Variants in AP1S3 observed in about 807,000 individuals in gnomAD.
The protein encoded by AP1S3 is AP-1 complex subunit sigma-3.
A neutral mutation model predicts 20.9 loss-of-function variants in AP1S3; 10 were observed. The observed-to-expected ratio is 0.48, with a 90% CI of 0.29 to 0.81. AP1S3 has a LOEUF of 0.81. AP1S3 is among the 30% of genes least tolerant of loss of function. The pLI, the probability that AP1S3 is intolerant of heterozygous loss-of-function variation, is 0.08. For synonymous variants in AP1S3, 41 were observed against 61.5 expected, an observed-to-expected ratio of 0.67 and a Z score of 1.56; for missense variants, 154 against 183.8, an observed-to-expected ratio of 0.84 and a Z score of 0.94.
chr2:223,806,277 A>ATTTTTTTTTTTTTTTTTTTTTTTTTT (rs144953846), intron 1 of AP1S3, among the ~76,000 whole-genome samples: 1 of 111,058 alleles, frequency 9.0e-6, no homozygotes, highest in Non-Finnish European at 1.7e-5. Flanking sequence ...AAACAAAGGA[A>ATTTTTTTTTTTTTTTTTTTTTTTTTT]TTTTTTTTTT....
At chr2:223,771,230 G>A (rs570694925) in intron 3 of AP1S3, among the ~76,000 whole-genome samples, 6 of 151,992 alleles carry the variant, frequency 3.9e-5, no homozygotes, top group South Asian at 2.1e-4. Flanking sequence ...CCAGCTACTC[G>A]GGAGGCTGAG....
At chr2:223,833,882 T>TA (rs1692334825) in intron 1 of AP1S3, among the ~76,000 whole-genome samples, 2 of 145,940 alleles carry the variant, frequency 1.4e-5, no homozygotes, top group Non-Finnish European at 3.0e-5. Flanking sequence ...TTTACACTCT[T>TA]TTTATTTATT....
chr2:223,756,436 G>T lies in AP1S3; in HGVS notation c.*2279C>A. On this transcript the variant is annotated 3_prime_UTR_variant, in exon 5 of 5. Coordinates refer to ENST00000396654, the MANE Select transcript of AP1S3 (RefSeq NM_001039569.2). Reference sequence around the variant, plus strand: ...GAAGGAGAGAGAGAGAAGAAGGAAGGAAGAAAGGAAGGAAAAGAAAGAAAG... The same window carrying T: ...GAAGGAGAGAGAGAGAAGAAGGAAGTAAGAAAGGAAGGAAAAGAAAGAAAG... 1 of 759,992 alleles carries T rather than the reference G, an allele frequency of 1.3e-6. No homozygotes were observed. Among genetic ancestry groups the T allele is most frequent in the Non-Finnish European group, 1.5e-6 (1 of 647,480 alleles). The allele number at this position is 759,992 out of a possible 1,614,324, so 47.1% of individuals were successfully genotyped here. A position where few individuals can be genotyped will look rare whatever the true frequency, so the allele number is the denominator to read the frequency against.
At chr2:223,801,345 C>T (rs1691461659) in intron 1 of AP1S3, among the ~76,000 whole-genome samples, 1 of 152,226 alleles carries the variant, frequency 6.6e-6, no homozygotes, top group African/African-American at 2.4e-5. Flanking sequence ...AGCAATGCAA[C>T]ATTGCCTCCT....
chr2:223,756,730 T>G lies in AP1S3; in HGVS notation c.*1985A>C. 1 of 985,452 alleles carries G rather than the reference T, an allele frequency of 1.0e-6. No homozygotes were observed. Among genetic ancestry groups the G allele is most frequent in the Non-Finnish European group, 1.2e-6 (1 of 829,926 alleles). The allele number at this position is 985,452 out of a possible 1,614,324, so 61.0% of individuals were successfully genotyped here. On this transcript the variant is annotated 3_prime_UTR_variant, in exon 5 of 5. Transcript: ENST00000396654. ...TGGTGAATTTTTCCCTTTGTTCTCC[T>G]GCTTGCTTTGCTGTTTTCCCTAAAT...
At chr2:223,770,640 A>T (rs16825553) in intron 3 of AP1S3, among the ~76,000 whole-genome samples, 39,470 of 151,596 alleles carry the variant, frequency 0.26, 8,316 homozygotes, top group East Asian at 0.58. Context: ...ATACAGCAAC[A>T]CAAAAGTGCT....
intron 1 of AP1S3, among the ~76,000 whole-genome samples, chr2:223,786,381 T>C (rs926444102): frequency 1.1e-4 from 17 of 152,312 alleles, no homozygotes; most frequent in Middle Eastern, 3.4e-3. Context: ...TTAGGTTTCA[T>C]TCACATTAAC....
At chr2:223,761,781 C>A (rs1266256860) in intron 4 of AP1S3, among the ~76,000 whole-genome samples, 2 of 152,018 alleles carry the variant, frequency 1.3e-5, no homozygotes, top group Non-Finnish European at 2.9e-5. Context: ...CTAGGCTGAT[C>A]TCAAACTCTT....
At chr2:223,792,036 G>C (rs1182295863) in intron 1 of AP1S3, among the ~76,000 whole-genome samples, 2 of 152,162 alleles carry the variant, frequency 1.3e-5, no homozygotes, top group African/African-American at 4.8e-5. Flanking sequence ...CATTCTCATG[G>C]ACAGAAAGAA....
Position 223,757,543 on chromosome 2 carries a change from C to T in AP1S3, c.*1172G>A, listed in dbSNP as rs1690250828. ...CCTCAAGTGATCCACCTGCCTCGGC[C>T]TCCCAAAGTGCTGGGATTACAGGTG... On this transcript the variant is annotated 3_prime_UTR_variant, in exon 5 of 5. Coordinates refer to ENST00000396654, the MANE Select transcript of AP1S3 (RefSeq NM_001039569.2). 1 of 969,748 alleles carries T rather than the reference C, an allele frequency of 1.0e-6. No individual in the cohort carries two copies. The highest frequency in any genetic ancestry group is 1.8e-5 in the African/African-American group (1 of 56,856). 60.1% of individuals were successfully genotyped at this position (969,748 alleles called of 1,614,324 possible). A position where few individuals can be genotyped will look rare whatever the true frequency, so the allele number is the denominator to read the frequency against.
At chr2:223,824,491 C>T (rs1692070998) in intron 1 of AP1S3, among the ~76,000 whole-genome samples, 1 of 152,128 alleles carries the variant, frequency 6.6e-6, no homozygotes, top group African/African-American at 2.4e-5. Context: ...CACCGCCTGA[C>T]TTTGGATAAG....
rs1690825615 is a variant in AP1S3, at chr2:223,777,826, A to G, written c.47T>C (p.Leu16Pro). 6.2e-7 allele frequency: 1 copy of G among 1,613,956 alleles called. No individual in the cohort carries two copies. Among genetic ancestry groups the G allele is most frequent in the African/African-American group, 1.3e-5 (1 of 74,936 alleles). The part of the protein sequence containing the change: ...LLFSRQGKLR[L>P]QKWYITLPDK... Reference sequence around the variant, plus strand: ...AGGGAGAGTGATGTACCATTTCTGTAGCCGTAATTTCCCTTGTCGACTGAA... The same window carrying G: ...AGGGAGAGTGATGTACCATTTCTGTGGCCGTAATTTCCCTTGTCGACTGAA... Residue 16 changes from leucine to proline, a missense_variant, in exon 2 of 5, where the codon CTA becomes CCA. Leu to Pro is a moderately conservative substitution (Grantham distance 98, BLOSUM62 -3). Coordinates refer to ENST00000396654, the MANE Select transcript of AP1S3 (RefSeq NM_001039569.2).
At chr2:223,764,821 G>C (rs1259337235) in intron 4 of AP1S3, among the ~76,000 whole-genome samples, 2 of 152,134 alleles carry the variant, frequency 1.3e-5, no homozygotes, top group Non-Finnish European at 2.9e-5. Flanking sequence ...ATAGCACTAA[G>C]TATTTGATAC....
At chr2:223,831,326 GT>G (rs1692252032) in intron 1 of AP1S3, among the ~76,000 whole-genome samples, 2 of 152,180 alleles carry the variant, frequency 1.3e-5, no homozygotes, top group African/African-American at 4.8e-5. Flanking sequence ...TAGAGATGGG[GT>G]TTCGCCATGT....
At position 223,765,332 on chromosome 2, in the gene AP1S3, T is replaced by C; in HGVS notation, c.310A>G (p.Ile104Val). The change falls in exon 4 of 5, where the codon ATC becomes GTC. Residue 104 changes from isoleucine to valine, a missense_variant. Coordinates refer to ENST00000396654, the MANE Select transcript of AP1S3 (RefSeq NM_001039569.2). ...AAATAAGCCTTTTCAAAATTAAAGA[T>C]AATATCCAGCTCACAGACCTGGTGG... ...YFGNVCELDI[I>V]FNFEKAYFIL... The C allele has an allele frequency of 6.2e-7, 1 of 1,613,312 alleles. No homozygotes were observed. Among genetic ancestry groups the C allele is most frequent in the East Asian group, 2.2e-5 (1 of 44,870 alleles).
At chr2:223,760,435 T>C (rs1015555959) in intron 4 of AP1S3, among the ~76,000 whole-genome samples, 5 of 152,208 alleles carry the variant, frequency 3.3e-5, no homozygotes, top group African/African-American at 1.2e-4. Flanking sequence ...TCTAACTGGT[T>C]TTCACCAACT....
At chr2:223,818,796 C>T (rs201768429) in intron 1 of AP1S3, among the ~76,000 whole-genome samples, 1 of 152,056 alleles carries the variant, frequency 6.6e-6, no homozygotes, top group African/African-American at 2.4e-5. Flanking sequence ...TCAAGTGATC[C>T]GCCCACCTTG....
intron 1 of AP1S3, among the ~76,000 whole-genome samples, chr2:223,832,194 G>A (rs1186213590): frequency 2.0e-5 from 3 of 146,530 alleles, no homozygotes; most frequent in African/African-American, 7.7e-5. Flanking sequence ...TTGGAAAGGG[G>A]AGTAATTTTA....
At chr2:223,765,943 T>C (rs1690467110) in intron 3 of AP1S3, among the ~76,000 whole-genome samples, 1 of 152,206 alleles carries the variant, frequency 6.6e-6, no homozygotes, top group African/African-American at 2.4e-5. Context: ...CAGGTGATGC[T>C]GAGGCCGCCG....
Sources: allele counts gnomAD v4.1 joint callset (sites outside exome capture counted in the v4.1 genomes callset), GRCh38; gene constraint gnomAD v4.1.1; transcripts MANE v1.5; gene names NCBI Gene and HGNC (gene_info 2026-07-23, HGNC 2026-07-21).